The following SLC37A3 variants were observed in gnomAD, a reference collection of about 807,000 sequenced individuals.
SLC37A3 encodes sugar phosphate exchanger 3.
Under a neutral mutation model 67.1 loss-of-function variants are expected in SLC37A3, and 51 were observed. The observed-to-expected ratio is 0.76, with a 90% CI of 0.61 to 0.96. SLC37A3 has a LOEUF of 0.96. Ranked by LOEUF, SLC37A3 falls within the 40% of genes least tolerant of loss-of-function variation. The pLI, the probability that SLC37A3 is intolerant of heterozygous loss-of-function variation, is 0.00. For synonymous variants in SLC37A3, 214 were observed against 231.4 expected, an observed-to-expected ratio of 0.92 and a Z score of 0.68; for missense variants, 508 against 603.0, an observed-to-expected ratio of 0.84 and a Z score of 1.65.
intron 13 of SLC37A3, among the ~76,000 whole-genome samples, chr7:140,338,083 G>A (rs1285580075): frequency 6.6e-6 from 1 of 151,908 alleles, no homozygotes; most frequent in South Asian, 2.1e-4. Context: ...GTAGAGATGG[G>A]TTTTCACCAC....
Position 140,380,360 on chromosome 7 carries a change from T to C in SLC37A3, c.120A>G (p.Thr40=). Residue 40 remains threonine (T), a synonymous_variant, in exon 3 of 15, where the codon ACA becomes ACG. Coordinates refer to ENST00000326232, the MANE Select transcript of SLC37A3 (RefSeq NM_207113.3). The part of the protein sequence containing the change: ...SYSLLHASRK[T]FSNVKVSISE... ...AGATACTGACTTTGACATTGCTAAATGTTTTTCGTGAAGCATGGAGCAACG... is the reference window on the plus strand; with the variant it reads ...AGATACTGACTTTGACATTGCTAAACGTTTTTCGTGAAGCATGGAGCAACG... 1.2e-6 allele frequency: 2 copies of C among 1,613,320 alleles called. No individual in the cohort carries two copies. The highest frequency in any genetic ancestry group is 1.7e-6 in the Non-Finnish European group (2 of 1,179,460).
At chr7:140,359,013 A>C (rs1332394123) in intron 5 of SLC37A3, among the ~76,000 whole-genome samples, 1 of 152,144 alleles carries the variant, frequency 6.6e-6, no homozygotes, top group African/African-American at 2.4e-5. Flanking sequence ...AAAGACATAA[A>C]GTCATTAAGC....
chr7:140,381,602 CAAA>C (rs1047302755), intron 2 of SLC37A3, among the ~76,000 whole-genome samples: 31 of 151,952 alleles, frequency 2.0e-4, no homozygotes, highest in African/African-American at 7.5e-4. Context: ...GCAGAAATGT[CAAA>C]AAAAGCTGAG....
intron 14 of SLC37A3, among the ~76,000 whole-genome samples, chr7:140,336,970 G>A (rs903837984): frequency 6.6e-6 from 1 of 151,748 alleles, no homozygotes; most frequent in Non-Finnish European, 1.5e-5. Flanking sequence ...GTGGTGGCAG[G>A]CGCCTGTAAT....
In SLC37A3 at chr7:140,376,027, A is replaced by G. The variant is rs552194893; in HGVS notation, c.198+4255T>C. ...GGGTACATGCACCAGTGTGAGCTAG[A>G]GACAAGGAACTTAAGCAGCTGCTCA... On this transcript the variant is annotated intron_variant, in intron 3 of 14. Transcript: ENST00000326232. 9.6e-4 allele frequency among the ~76,000 whole-genome samples: 146 copies of G among 152,336 alleles called. 1 individual carries two copies. The highest frequency in any genetic ancestry group is 3.3e-3 in the African/African-American group (137 of 41,572).
At chr7:140,353,467 ACT>A (rs1298102891) in intron 7 of SLC37A3, among the ~76,000 whole-genome samples, 4 of 150,412 alleles carry the variant, frequency 2.7e-5, no homozygotes, top group African/African-American at 9.8e-5. Context: ...ACAGAGTGAG[ACT>A]CTGTCTTGGA....
intron 3 of SLC37A3, among the ~76,000 whole-genome samples, chr7:140,374,354 C>T (rs758807113): frequency 3.3e-5 from 5 of 151,972 alleles, no homozygotes; most frequent in Admixed American, 6.6e-5. Flanking sequence ...AAAAACTAGC[C>T]GGGCGTGGTG....
chr7:140,339,150 C>A (rs1796256571), intron 13 of SLC37A3, among the ~76,000 whole-genome samples: 1 of 152,132 alleles, frequency 6.6e-6, no homozygotes, highest in Admixed American at 6.5e-5. Flanking sequence ...TATGGATATA[C>A]CACATTTAGT....
At chr7:140,386,802 C>T (rs1393613121) in intron 1 of SLC37A3, 1 of 151,982 alleles carries the variant, frequency 6.6e-6, no homozygotes. Flanking sequence ...CCCGGTATTC[C>T]CAGGCAGTGT....
At chr7:140,388,275 A>G (rs1172132134) in intron 1 of SLC37A3, among the ~76,000 whole-genome samples, 1 of 151,554 alleles carries the variant, frequency 6.6e-6, no homozygotes, top group East Asian at 2.0e-4. Flanking sequence ...TCCAGAAAAA[A>G]TACAAAAAGT....
intron 4 of SLC37A3, among the ~76,000 whole-genome samples, chr7:140,366,062 C>T (rs549225087): frequency 2.0e-5 from 3 of 150,390 alleles, no homozygotes; most frequent in South Asian, 2.1e-4. Context: ...CGTAGCCTCC[C>T]GAGTAGCTGG....
At chr7:140,383,116 CA>C (rs1798320015) in intron 1 of SLC37A3, among the ~76,000 whole-genome samples, 1 of 151,242 alleles carries the variant, frequency 6.6e-6, no homozygotes, top group Non-Finnish European at 1.5e-5. Context: ...GTGTTTGACA[CA>C]AAAATTCAAT....
Position 140,387,764 on chromosome 7 carries a change from A to ATATATATTATATATAATATAAATATAT in SLC37A3, c.-70-5169_-70-5168insATATATTTATATTATATATAATATATA, listed in dbSNP as rs1563053386. ...TATATTATATAAATATAAATATATT[A>ATATATATTATATATAATATAAATATAT]TATATATTATACATAAATATAAATA... On this transcript the variant is annotated intron_variant, in intron 1 of 14. Transcript: ENST00000326232. Among the ~76,000 whole-genome samples the ATATATATTATATATAATATAAATATAT allele has an allele frequency of 4.4e-4, 29 of 66,462 alleles. 1 individual carries two copies. Among genetic ancestry groups the ATATATATTATATATAATATAAATATAT allele is most frequent in the Admixed American group, 7.5e-4 (2 of 2,656 alleles). 43.6% of individuals were successfully genotyped at this position (66,462 alleles called of 152,430 possible). A position where few individuals can be genotyped will look rare whatever the true frequency, so the allele number is the denominator to read the frequency against.
intron 3 of SLC37A3, among the ~76,000 whole-genome samples, chr7:140,377,331 G>A (rs1443322015): frequency 6.6e-6 from 1 of 151,906 alleles, no homozygotes; most frequent in Non-Finnish European, 1.5e-5. Flanking sequence ...TCCCAAAGTG[G>A]TGGGATTACA....
At chr7:140,362,423 GGGGGGGTC>G (rs1797362478) in intron 5 of SLC37A3, among the ~76,000 whole-genome samples, 1 of 146,284 alleles carries the variant, frequency 6.8e-6, no homozygotes, top group African/African-American at 2.5e-5. Context: ...GGAGGTGGGG[GGGGGGGTC>G]AGCCCCCCGC....
intron 3 of SLC37A3, among the ~76,000 whole-genome samples, chr7:140,371,207 A>ACTC (rs1797805435): frequency 6.6e-6 from 1 of 151,980 alleles, no homozygotes; most frequent in African/African-American, 2.4e-5. Flanking sequence ...ACAGAGTCTC[A>ACTC]CTCTGTTGCC....
chr7:140,367,193 T>C (rs1797636052), intron 4 of SLC37A3, among the ~76,000 whole-genome samples: 1 of 148,802 alleles, frequency 6.7e-6, no homozygotes, highest in African/African-American at 2.5e-5. Flanking sequence ...TCCCAGCACT[T>C]TGGAAGGCAG....
intron 13 of SLC37A3, among the ~76,000 whole-genome samples, chr7:140,339,721 G>A (rs112040357): frequency 0.051 from 7,652 of 151,236 alleles, 212 homozygotes; most frequent in Non-Finnish European, 0.071. Flanking sequence ...ATCCTTGCCA[G>A]CACCAGTCAC....
intron 3 of SLC37A3, among the ~76,000 whole-genome samples, chr7:140,376,385 C>G (rs1446251612): frequency 6.6e-6 from 1 of 152,168 alleles, no homozygotes; most frequent in African/African-American, 2.4e-5. Flanking sequence ...TAATGAAAGT[C>G]ACCAACACAA....
Sources: allele counts gnomAD v4.1 joint callset (sites outside exome capture counted in the v4.1 genomes callset), GRCh38; gene constraint gnomAD v4.1.1; transcripts MANE v1.5; gene names NCBI Gene and HGNC (gene_info 2026-07-23, HGNC 2026-07-21).